LRRC75A: variants seen among roughly 807,000 people sequenced by gnomAD.
The protein encoded by LRRC75A is leucine-rich repeat-containing protein 75A.
LRRC75A carries 12 observed loss-of-function variants against 26.0 expected under a neutral mutation model. The ratio of observed to expected loss-of-function variants is 0.46; its 90% CI spans 0.30 to 0.75. The LOEUF is 0.75. LRRC75A is among the 30% of genes least tolerant of loss of function. The pLI is 0.08. For synonymous variants in LRRC75A, 223 were observed against 219.3 expected, an observed-to-expected ratio of 1.02 and a Z score of -0.15; for missense variants, 410 against 486.6, an observed-to-expected ratio of 0.84 and a Z score of 1.48.
At position 16,490,208 on chromosome 17, in the gene LRRC75A, C is replaced by CA. The variant is rs548134429; in HGVS notation, c.246+1536dup. 1.5e-3 allele frequency among the ~76,000 whole-genome samples: 223 copies of CA among 152,308 alleles called. 2 individuals carry two copies. The highest frequency in any genetic ancestry group is 4.8e-3 in the African/African-American group (200 of 41,570). ...GCTCCCTCTGTTCTTCTGTATCCCC[C>CA]AAAGCACCCATTGCAGGGTGGGGGA... is the stretch of plus-strand genomic sequence containing the variant. On this transcript the variant is annotated intron_variant, in intron 1 of 3. Transcript: ENST00000470794.
rs768851789 is a variant in LRRC75A, at chr17:16,462,272, G to A, written c.361C>T (p.His121Tyr). 25 of 1,613,980 alleles carry A rather than the reference G, an allele frequency of 1.5e-5. No individual in the cohort carries two copies. In the Admixed American group the frequency reaches 4.2e-4, roughly 27 times the overall value. The stretch of plus-strand genomic sequence containing the variant: ...AGCCACCCTACCGGCTTGGGACAGT[G>A]GATGTAGCGTGCCAGGCTGATGATG... ...DLIISLARYI[H>Y]CPKPEGDALG... Residue 121 changes from histidine to tyrosine, a missense_variant, in exon 2 of 4, where the codon CAC (histidine) becomes TAC (tyrosine). Transcript: ENST00000470794. This position sits in a 1 kb window ranked among gnomAD's most constrained non-coding sequence, Gnocchi z 4.6.
chr17:16,465,939 G>A (rs1229833139), intron 1 of LRRC75A, among the ~76,000 whole-genome samples: 3 of 152,350 alleles, frequency 2.0e-5, no homozygotes, highest in East Asian at 1.9e-4. Context: ...ACACCGGCCC[G>A]CCCTGTGAAT....
Position 16,485,216 on chromosome 17 carries a change from A to T in LRRC75A, c.246+6529T>A, listed in dbSNP as rs558518331. Among the ~76,000 whole-genome samples the T allele has an allele frequency of 1.9e-4, 29 of 152,186 alleles. No individual in the cohort carries two copies. The South Asian group carries it at 6.0e-3, about 32-fold the overall frequency. The stretch of plus-strand genomic sequence containing the variant: ...CTCCATTCCAGTTTCTCTTAATGGG[A>T]GAGGATATGACAGTCAGTGCTGAAA... On this transcript the variant is annotated intron_variant, in intron 1 of 3. Coordinates refer to ENST00000470794, the MANE Select transcript of LRRC75A (RefSeq NM_001113567.3).
chr17:16,456,438 AGAG>A (rs1315300782), intron 2 of LRRC75A, among the ~76,000 whole-genome samples: 8 of 142,296 alleles, frequency 5.6e-5, no homozygotes, highest in South Asian at 2.4e-4. Context: ...AGAAGAAGGA[AGAG>A]GAGGAGGAAG....
rs1187011322 is a variant in LRRC75A at position 16,443,663 on chromosome 17, G to A, written c.960C>T (p.Asp320=). The change falls in exon 4 of 4, where the codon GAC becomes GAT. Residue 320 remains aspartate (D), a synonymous_variant. Coordinates refer to ENST00000470794, the MANE Select transcript of LRRC75A (RefSeq NM_001113567.3). The part of the protein sequence containing the change: ...EVREGTVGQE[D]PGGGPVAPAE... ...CAGGTGCCACAGGGCCCCCTCCAGGGTCCTCCTGGCCTACTGTCCCTTCCC... is the reference window on the plus strand; with the variant it reads ...CAGGTGCCACAGGGCCCCCTCCAGGATCCTCCTGGCCTACTGTCCCTTCCC... 11 of 1,577,278 alleles carry A rather than the reference G, an allele frequency of 7.0e-6. No individual in the cohort carries two copies. The highest frequency in any genetic ancestry group is 2.7e-5 in the African/African-American group (2 of 73,858).
chr17:16,481,493 T>C (rs909555353), intron 1 of LRRC75A, among the ~76,000 whole-genome samples: 27 of 152,152 alleles, frequency 1.8e-4, no homozygotes, highest in African/African-American at 6.3e-4. Flanking sequence ...TGAACCAATT[T>C]CAGGAGCATC....
Position 16,491,520 on chromosome 17 carries a change from CG to C in LRRC75A, c.246+224del, listed in dbSNP as rs1401699353. Reference sequence around the variant, plus strand: ...GGACATTATGCCAACAGGTCCCCTTCGGCGGGCCTCACCCGGCCAGCCTTCC... The same window carrying C: ...GGACATTATGCCAACAGGTCCCCTTCGCGGGCCTCACCCGGCCAGCCTTCC... On this transcript the variant is annotated intron_variant, in intron 1 of 3. Coordinates refer to ENST00000470794, the MANE Select transcript of LRRC75A (RefSeq NM_001113567.3). The surrounding 1 kb of genome is among the most constrained non-coding windows in gnomAD (Gnocchi z 5.9). 2.6e-5 allele frequency among the ~76,000 whole-genome samples: 4 copies of C among 152,232 alleles called. No homozygotes were observed. The highest frequency in any genetic ancestry group is 9.6e-5 in the African/African-American group (4 of 41,476).
intron 1 of LRRC75A, among the ~76,000 whole-genome samples, chr17:16,471,037 G>T (rs1467176611): frequency 6.6e-6 from 1 of 151,448 alleles, no homozygotes; most frequent in Non-Finnish European, 1.5e-5. Flanking sequence ...CCATGCGCTT[G>T]TGCCCAGAAA....
Position 16,442,984 on chromosome 17 carries a change from T to A in LRRC75A, c.*604A>T, listed in dbSNP as rs1601049234. On this transcript the variant is annotated 3_prime_UTR_variant, in exon 4 of 4. Transcript: ENST00000470794. ...CAAAGGATATAGCGATAGCTGGTCCTATGGGCAGATGCCTAGAATCAAGGT... is the reference window on the plus strand; with the variant it reads ...CAAAGGATATAGCGATAGCTGGTCCAATGGGCAGATGCCTAGAATCAAGGT... 1.3e-5 allele frequency: 2 copies of A among 152,842 alleles called. No individual in the cohort carries two copies. The highest frequency in any genetic ancestry group is 2.1e-4 in the South Asian group (1 of 4,844). The allele number at this position is 152,842 out of a possible 1,614,324, so 9.5% of individuals were successfully genotyped here. A position where few individuals can be genotyped will look rare whatever the true frequency, so the allele number is the denominator to read the frequency against.
At chr17:16,448,528 A>G (rs1013923779) in intron 2 of LRRC75A, among the ~76,000 whole-genome samples, 3 of 152,210 alleles carry the variant, frequency 2.0e-5, no homozygotes, top group African/African-American at 7.2e-5. Context: ...CGTTCCTGTC[A>G]GGCCCGTTGG....
intron 1 of LRRC75A, among the ~76,000 whole-genome samples, chr17:16,486,730 C>A (rs983737765): frequency 6.6e-6 from 1 of 152,222 alleles, no homozygotes; most frequent in Non-Finnish European, 1.5e-5. Context: ...TCCAAGAACA[C>A]CACCGCCTGG....
chr17:16,474,600 G>C (rs1309646814), intron 1 of LRRC75A, among the ~76,000 whole-genome samples: 2 of 151,864 alleles, frequency 1.3e-5, no homozygotes, highest in Non-Finnish European at 2.9e-5. Context: ...CTCTCTGCTT[G>C]GGAAATTATC....
intron 1 of LRRC75A, among the ~76,000 whole-genome samples, chr17:16,473,602 TG>T (rs1239871540): frequency 6.6e-6 from 1 of 152,196 alleles, no homozygotes; most frequent in Non-Finnish European, 1.5e-5. Context: ...TGCAGAGGTC[TG>T]AGCCAAGAAA....
At chr17:16,485,712 G>A (rs984708607) in intron 1 of LRRC75A, among the ~76,000 whole-genome samples, 14 of 149,446 alleles carry the variant, frequency 9.4e-5, no homozygotes, top group African/African-American at 2.7e-4. Context: ...GCGCGCATGC[G>A]TGGTTTTCTT....
At position 16,492,131 on chromosome 17, in the gene LRRC75A, C is replaced by G. The variant is rs952186981; in HGVS notation, c.-141G>C. 4 of 604,294 alleles carry G rather than the reference C, an allele frequency of 6.6e-6. No individual in the cohort carries two copies. Among genetic ancestry groups the G allele is most frequent in the Non-Finnish European group, 8.3e-6 (4 of 481,876 alleles). 37.4% of individuals were successfully genotyped at this position (604,294 alleles called of 1,614,324 possible). ...CTGTTGCGCGCGGGCGTCGCGGGGG[C>G]GGGCGGGCGGGCGGCTGTCGGCGCT... On this transcript the variant is annotated 5_prime_UTR_variant, in exon 1 of 4. Transcript: ENST00000470794.
rs1458716882 is a variant in LRRC75A, at chr17:16,444,028, G to A, written c.595C>T (p.Arg199Cys). The change falls in exon 4 of 4, where the codon CGC (arginine) becomes TGC (cysteine). Residue 199 changes from arginine to cysteine, a missense_variant. Physicochemically the swap from Arg to Cys is radical, Grantham distance 180. Coordinates refer to ENST00000470794, the MANE Select transcript of LRRC75A (RefSeq NM_001113567.3). ...ACGCTGTCTACCTGCTCCCCACAGC[G>A]CTGTAGGTAGCTGGTCACCCGCTCC... The part of the protein sequence containing the change: ...DLERVTSYLQ[R>C]CGEQVDSVEL... 3.7e-6 allele frequency: 6 copies of A among 1,613,638 alleles called. No homozygotes were observed. The highest frequency in any genetic ancestry group is 4.5e-5 in the East Asian group (2 of 44,876).
chr17:16,475,374 G>T (rs2093817299), intron 1 of LRRC75A, among the ~76,000 whole-genome samples: 1 of 152,138 alleles, frequency 6.6e-6, no homozygotes, highest in Non-Finnish European at 1.5e-5. Context: ...ACATGATTGT[G>T]GGGGCTGGCG....
chr17:16,452,765 T>C (rs2093643582), intron 2 of LRRC75A, among the ~76,000 whole-genome samples: 1 of 151,998 alleles, frequency 6.6e-6, no homozygotes, highest in Non-Finnish European at 1.5e-5. Flanking sequence ...CCCCAGGTGA[T>C]TCCCTAGTGC....
At chr17:16,469,920 G>A (rs573100883) in intron 1 of LRRC75A, among the ~76,000 whole-genome samples, 2 of 152,242 alleles carry the variant, frequency 1.3e-5, no homozygotes, top group South Asian at 2.1e-4. Flanking sequence ...CGTGGTACAG[G>A]ACCAGTTGCC....
Sources: allele counts gnomAD v4.1 joint callset (sites outside exome capture counted in the v4.1 genomes callset), GRCh38; gene constraint gnomAD v4.1.1; non-coding constraint Gnocchi (gnomAD v3.1); transcripts MANE v1.5; gene names NCBI Gene and HGNC (gene_info 2026-07-23, HGNC 2026-07-21).